MINDY4: variants seen among roughly 807,000 people sequenced by gnomAD.
MINDY4 encodes probable ubiquitin carboxyl-terminal hydrolase MINDY-4.
MINDY4 carries 68 observed loss-of-function variants against 87.0 expected under a neutral mutation model. That is an observed-to-expected ratio of 0.78 (90% CI 0.64 to 0.96). MINDY4 has a LOEUF of 0.96. Among genes scored for constraint, MINDY4 ranks in the 40% least tolerant of loss-of-function variants. The probability of loss-of-function intolerance (pLI) is 0.00; values close to 1 mark genes in which losing one functional copy is unlikely to be tolerated. For synonymous variants in MINDY4, 379 were observed against 363.2 expected (o/e 1.04, Z -0.50); for missense variants, 919 against 928.2 (o/e 0.99, Z 0.13).
chr7:30,859,021 T>A, intron 12 of MINDY4: 1 of 707,920 alleles, frequency 1.4e-6, no homozygotes. Flanking sequence ...AGGTCACTGA[T>A]GCTCTCTTTG....
At chr7:30,861,141 C>G (rs1562557833) in intron 13 of MINDY4, among the ~76,000 whole-genome samples, 1 of 152,214 alleles carries the variant, frequency 6.6e-6, no homozygotes, top group Non-Finnish European at 1.5e-5. Flanking sequence ...TGGGGCAGTA[C>G]AGGCCTCTGC....
At chr7:30,888,696 C>G (rs1790705682) in intron 17 of MINDY4, among the ~76,000 whole-genome samples, 1 of 152,230 alleles carries the variant, frequency 6.6e-6, no homozygotes, top group South Asian at 2.1e-4. Context: ...TGCGTCATGG[C>G]TCAGCCCTTT....
In MINDY4 at chr7:30,817,640, G is replaced by A. The variant is rs561289151; in HGVS notation, c.1074-11039G>A. Reference sequence around the variant, plus strand: ...TTGCAGGTGGGGAGGGGCTGGGTCTGAAAAGCGGAAGCCCGGGTTCCCGAA... The same window carrying A: ...TTGCAGGTGGGGAGGGGCTGGGTCTAAAAAGCGGAAGCCCGGGTTCCCGAA... On this transcript the variant is annotated intron_variant, in intron 5 of 17. Coordinates refer to ENST00000265299, the MANE Select transcript of MINDY4 (RefSeq NM_032222.3). Among the ~76,000 whole-genome samples the A allele has an allele frequency of 9.2e-5, 14 of 152,246 alleles. No individual in the cohort carries two copies. In the South Asian group the frequency reaches 2.9e-3, roughly 32 times the overall value.
chr7:30,808,788 T>C (rs868158965), intron 5 of MINDY4, among the ~76,000 whole-genome samples: 1 of 152,062 alleles, frequency 6.6e-6, no homozygotes, highest in Non-Finnish European at 1.5e-5. Flanking sequence ...GACACTTGGT[T>C]ACAGCTGGTT....
At chr7:30,827,375 C>T (rs180963711) in intron 5 of MINDY4, among the ~76,000 whole-genome samples, 4 of 152,132 alleles carry the variant, frequency 2.6e-5, no homozygotes, top group Admixed American at 6.5e-5. Context: ...GCAGAGCAGG[C>T]GGAGGTGGGA....
intron 15 of MINDY4, among the ~76,000 whole-genome samples, chr7:30,880,197 C>T (rs1790414403): frequency 6.6e-6 from 1 of 152,178 alleles, no homozygotes; most frequent in Admixed American, 6.5e-5. Flanking sequence ...TTAGGCCATT[C>T]ACAACCCCCG....
intron 13 of MINDY4, 58 bp from the exon 14 acceptor site, chr7:30,872,185 G>A (rs764050314): frequency 4.2e-5 from 65 of 1,556,354 alleles, no homozygotes; most frequent in African/African-American, 5.4e-5. Flanking sequence ...GTCACCTAGC[G>A]AGGTTTGCAA....
chr7:30,809,813 C>T (rs1480883727), intron 5 of MINDY4, among the ~76,000 whole-genome samples: 1 of 150,924 alleles, frequency 6.6e-6, no homozygotes, highest in Non-Finnish European at 1.5e-5. Flanking sequence ...AAAAGGGGGG[C>T]AGAATTTATG....
chr7:30,869,336 C>T (rs1790032226), intron 13 of MINDY4, among the ~76,000 whole-genome samples: 1 of 152,212 alleles, frequency 6.6e-6, no homozygotes. Context: ...TCCACACTGC[C>T]TTCAGCCCGT....
At chr7:30,890,348 C>T (rs538099119) in intron 17 of MINDY4, among the ~76,000 whole-genome samples, 130 of 152,342 alleles carry the variant, frequency 8.5e-4, no homozygotes, top group Non-Finnish European at 1.4e-3. Context: ...TTACATTCCC[C>T]GATGGTATGC....
chr7:30,801,702 C>T (rs1193537110), intron 5 of MINDY4, among the ~76,000 whole-genome samples: 2 of 152,184 alleles, frequency 1.3e-5, no homozygotes, highest in African/African-American at 4.8e-5. Flanking sequence ...ACCCCTAAAC[C>T]TTGTGTGGTT....
Position 30,887,390 on chromosome 7 carries a change from G to C in MINDY4, c.2225+4397G>C, listed in dbSNP as rs1790664105. 2.0e-5 allele frequency among the ~76,000 whole-genome samples: 3 copies of C among 152,320 alleles called. No individual in the cohort carries two copies. The South Asian group carries it at 6.2e-4, about 32-fold the overall frequency. On this transcript the variant is annotated intron_variant, in intron 17 of 17. Coordinates refer to ENST00000265299, the MANE Select transcript of MINDY4 (RefSeq NM_032222.3). Reference sequence around the variant, plus strand: ...GCCTTAGTTTCCCCATCTGTCCCTGGGGTCTAAGGATCCCTCTCCTGAGCT... The same window carrying C: ...GCCTTAGTTTCCCCATCTGTCCCTGCGGTCTAAGGATCCCTCTCCTGAGCT...
chr7:30,884,658 G>C (rs751452190), intron 17 of MINDY4, among the ~76,000 whole-genome samples: 8 of 152,154 alleles, frequency 5.3e-5, no homozygotes, highest in Non-Finnish European at 5.9e-5. Context: ...CCCCTCCCAG[G>C]GGGTGGCCCA....
chr7:30,820,701 C>G (rs924441201), intron 5 of MINDY4, among the ~76,000 whole-genome samples: 8 of 152,260 alleles, frequency 5.3e-5, no homozygotes, highest in Admixed American at 2.6e-4. Context: ...GAATAATATT[C>G]CGTTGTATGG....
At chr7:30,800,533 G>A (rs906723552) in intron 5 of MINDY4, among the ~76,000 whole-genome samples, 3 of 152,096 alleles carry the variant, frequency 2.0e-5, no homozygotes, top group African/African-American at 7.2e-5. Context: ...CAGAAGCCCA[G>A]GGTGCACTGG....
At chr7:30,774,025 T>C (rs773528857) in intron 1 of MINDY4, among the ~76,000 whole-genome samples, 17 of 152,228 alleles carry the variant, frequency 1.1e-4, no homozygotes, top group South Asian at 6.2e-4. Flanking sequence ...TGAATGAGAT[T>C]GGAGAGAAAC....
chr7:30,871,659 G>A (rs571979648), intron 13 of MINDY4, among the ~76,000 whole-genome samples: 10 of 152,194 alleles, frequency 6.6e-5, no homozygotes, highest in Non-Finnish European at 1.3e-4. Flanking sequence ...CAGGGGGTGG[G>A]GGCACAGGCC....
At chr7:30,822,742 C>T (rs780329937) in intron 5 of MINDY4, among the ~76,000 whole-genome samples, 3 of 151,982 alleles carry the variant, frequency 2.0e-5, no homozygotes, top group African/African-American at 4.8e-5. Context: ...TCCAGTGATC[C>T]TCCCACCTGA....
chr7:30,828,677 AG>A lies in MINDY4; in HGVS notation c.1074del. Reference sequence around the variant, plus strand: ...GGTACATTGATATTTTCTATTTTCCAGGAAAAATCAGTTGCTGCCGTCTGAC... The same window carrying A: ...GGTACATTGATATTTTCTATTTTCCAGAAAAATCAGTTGCTGCCGTCTGAC... On this transcript the variant is annotated splice_acceptor_variant, in intron 5 of 17. Coordinates refer to ENST00000265299, the MANE Select transcript of MINDY4 (RefSeq NM_032222.3). LOFTEE classifies it high-confidence loss of function. 1 of 1,613,934 alleles carries A rather than the reference AG, an allele frequency of 6.2e-7. No individual in the cohort carries two copies. Among genetic ancestry groups the A allele is most frequent in the Non-Finnish European group, 8.5e-7 (1 of 1,179,948 alleles).
Sources: allele counts gnomAD v4.1 joint callset (sites outside exome capture counted in the v4.1 genomes callset), GRCh38; gene constraint gnomAD v4.1.1; transcripts MANE v1.5; gene names NCBI Gene and HGNC (gene_info 2026-07-23, HGNC 2026-07-21).